The following CACNA1F variants were observed in gnomAD, a reference collection of about 807,000 sequenced individuals.
CACNA1F encodes the protein voltage-dependent L-type calcium channel subunit alpha-1F.
Under a neutral mutation model 143.8 loss-of-function variants are expected in CACNA1F, and 59 were observed. The observed-to-expected ratio is 0.41, with a 90% CI of 0.33 to 0.51. The LOEUF is 0.51. CACNA1F is among the 20% of genes least tolerant of loss of function. The pLI is 0.22. For missense variants in CACNA1F, 1,411 were observed against 1,647.5 expected (o/e 0.86, Z 2.48); for synonymous variants, 643 against 649.1 (o/e 0.99, Z 0.14).
intron 1 of CACNA1F, 104 bp from the exon 2 acceptor site, chrX:49,232,031 G>A: frequency 1.2e-6 from 1 of 824,781 alleles, no homozygotes; most frequent in Non-Finnish European, 1.7e-6. Flanking sequence ...AGAAGAGCAT[G>A]GAAAATTAGG....
chrX:49,209,324 C>T lies in CACNA1F; in HGVS notation c.4891G>A (p.Glu1631Lys), dbSNP rs781811042. The change falls in exon 42 of 48, where the codon GAG (glutamate) becomes AAG (lysine). Residue 1631 changes from glutamate to lysine, a missense_variant. Physicochemically the swap from Glu to Lys is moderately conservative, Grantham distance 56. This residue lies in a region of CACNA1F where 349 missense variants were observed against 350.2 expected (regional missense o/e 1.00). Coordinates refer to ENST00000323022, the MANE Select transcript of CACNA1F (RefSeq NM_001256789.3). ...ACTCCCTCCTGCCCCTCTTCTTCCT[C>T]CTCCTCTGTGTCACAGGTGAGGGCC... ...RQALTCDTEE[E>K]EEEGQEGVEE... 1 of 1,206,697 alleles carries T rather than the reference C, an allele frequency of 8.3e-7. No individual in the cohort carries two copies. The highest frequency in any genetic ancestry group is 3.0e-5 in the East Asian group (1 of 33,804).
rs374672689 is a variant in CACNA1F, at chrX:49,231,435, C to G, written c.276-128G>C. 4 of 610,821 alleles carry G rather than the reference C, an allele frequency of 6.5e-6. No homozygotes were observed. In the African/African-American group the frequency reaches 6.7e-5, roughly 10 times the overall value. 50.3% of individuals were successfully genotyped at this position (610,821 alleles called of 1,213,427 possible). A position where few individuals can be genotyped will look rare whatever the true frequency, so the allele number is the denominator to read the frequency against. On this transcript the variant is annotated intron_variant, in intron 2 of 47. Coordinates refer to ENST00000323022, the MANE Select transcript of CACNA1F (RefSeq NM_001256789.3). ...AGGTCCTGGCATTCTCGACCCCTGCCCTGACAAGGCCTTGACTTTGTCCCT... is the reference window on the plus strand; with the variant it reads ...AGGTCCTGGCATTCTCGACCCCTGCGCTGACAAGGCCTTGACTTTGTCCCT...
chrX:49,217,666 A>G (rs782337515), intron 26 of CACNA1F, 89 bp downstream of exon 26: 1 of 818,990 alleles, frequency 1.2e-6, no homozygotes, highest in African/African-American at 2.0e-5. Flanking sequence ...TTCTGGGACT[A>G]TATCTTTGGG....
In CACNA1F at chrX:49,216,472, C is replaced by A. The variant is rs5906755; in HGVS notation, c.3146G>T (p.Arg1049Leu). 37 of 1,206,676 alleles carry A rather than the reference C, an allele frequency of 3.1e-5. No homozygotes were observed. The highest frequency in any genetic ancestry group is 3.9e-5 in the Non-Finnish European group (35 of 892,370). ...GDVSRPLVRE[R>L]LWVNSDFNFD... ...GTTGAAATCACTGTTGACCCAGAGC[C>A]GCTCCCGGACCAGGGGCCGTGACAC... The change falls in exon 27 of 48, where the codon CGG becomes CTG. Residue 1049 changes from arginine to leucine, a missense_variant. This residue lies in a region of CACNA1F where 950 missense variants were observed against 1,128.1 expected (regional missense o/e 0.84). Transcript: ENST00000323022.
rs782634881 is a variant in CACNA1F, at chrX:49,223,141, A to C, written c.1878-5T>G. ...TTGCTCAGAGAAGCCCAGTGTCTGC[A>C]GCAGAAATGGGAGGGGGCAGGGTCG... On this transcript the variant is annotated splice_polypyrimidine_tract_variant and splice_region_variant and intron_variant, in intron 14 of 47. Transcript: ENST00000323022. 1 of 1,159,588 alleles carries C rather than the reference A, an allele frequency of 8.6e-7. No homozygotes were observed. The highest frequency in any genetic ancestry group is 1.2e-6 in the Non-Finnish European group (1 of 854,127).
At position 49,205,702 on chromosome X, in the gene CACNA1F, G is replaced by C. The variant is rs781892194; in HGVS notation, c.5584C>G (p.Arg1862Gly). The C allele has an allele frequency of 8.3e-7, 1 of 1,204,646 alleles. No individual in the cohort carries two copies. Among genetic ancestry groups the C allele is most frequent in the Non-Finnish European group, 1.1e-6 (1 of 891,744 alleles). The change falls in exon 47 of 48, where the codon CGC becomes GGC. Residue 1862 changes from arginine (R) to glycine (G), a missense_variant. Physicochemically the swap from Arg to Gly is moderately radical, Grantham distance 125. Coordinates refer to ENST00000323022, the MANE Select transcript of CACNA1F (RefSeq NM_001256789.3). ...GGCACGTGCAGACAGGTGAAGGTGCGCAGTGGGCCACTGGATCTGCCGAGG... is the reference window on the plus strand; with the variant it reads ...GGCACGTGCAGACAGGTGAAGGTGCCCAGTGGGCCACTGGATCTGCCGAGG... Reference protein sequence around the residue: ...GYLGRSSGPLRTFTCLHVPGT... With the variant: ...GYLGRSSGPLGTFTCLHVPGT...
chrX:49,211,556 C>G, intron 35 of CACNA1F, 75 bp from the exon 36 acceptor site: 1 of 919,974 alleles, frequency 1.1e-6, no homozygotes, highest in Non-Finnish European at 1.6e-6. Context: ...TGGGGGAGGA[C>G]TGGGGAATGA....
At position 49,205,731 on chromosome X, in the gene CACNA1F, C is replaced by A; in HGVS notation, c.5555G>T (p.Gly1852Val). The change falls in exon 47 of 48, where the codon GGG (glycine) becomes GTG (valine). Residue 1852 changes from glycine (G) to valine (V), a missense_variant. By Grantham distance (109) the Gly-to-Val change is moderately radical. Around this residue, in one of 3 missense-constraint regions of CACNA1F, gnomAD observed 349 missense variants for 350.2 expected, o/e 1.00. Coordinates refer to ENST00000323022, the MANE Select transcript of CACNA1F (RefSeq NM_001256789.3). The stretch of plus-strand genomic sequence containing the variant: ...TGGGCCACTGGATCTGCCGAGGTAC[C>A]CCTCCCCCGCTGCGCCCTCTTCCAC... ...LLVEEGAAGEGYLGRSSGPLR... is the reference protein window; with the variant it reads ...LLVEEGAAGEVYLGRSSGPLR... 8.3e-7 allele frequency: 1 copy of A among 1,204,032 alleles called. No homozygotes were observed. Among genetic ancestry groups the A allele is most frequent in the East Asian group, 3.0e-5 (1 of 33,423 alleles).
At chrX:49,213,723 G>A (rs1168300704) in intron 31 of CACNA1F, 96 bp downstream of exon 31, 22 of 601,498 alleles carry the variant, frequency 3.7e-5, no homozygotes, top group African/African-American at 2.0e-4. Flanking sequence ...GAGGATGTGC[G>A]TGGGAGCCAC....
rs181191941 is a variant in CACNA1F, at chrX:49,225,542, C to G, written c.1651+367G>C. On this transcript the variant is annotated intron_variant, in intron 13 of 47. Coordinates refer to ENST00000323022, the MANE Select transcript of CACNA1F (RefSeq NM_001256789.3). ...GATGATAAGAGCCTGGATTCTGGAG[C>G]CAGGCTGCCTGGGTTCTAATTCTGG... Among the ~76,000 whole-genome samples the G allele has an allele frequency of 1.7e-3, 188 of 111,284 alleles. 1 individual carries two copies. Among genetic ancestry groups the G allele is most frequent in the African/African-American group, 5.7e-3 (175 of 30,622 alleles).
At chrX:49,214,041 A>G (rs1557106845) in intron 30 of CACNA1F, 118 bp downstream of exon 30, 1 of 630,681 alleles carries the variant, frequency 1.6e-6, no homozygotes, top group African/African-American at 2.2e-5. Flanking sequence ...AGTCCCTCTC[A>G]CTCCCTAGAC....
chrX:49,214,283 T>A lies in CACNA1F; in HGVS notation c.3598-14A>T. On this transcript the variant is annotated splice_polypyrimidine_tract_variant and intron_variant, in intron 29 of 47. Transcript: ENST00000323022. Reference sequence around the variant, plus strand: ...CTGCTCATAGTGCTGCAGGAGAAAATCAGGTTGAGATGGAGCCTGAGGCAG... The same window carrying A: ...CTGCTCATAGTGCTGCAGGAGAAAAACAGGTTGAGATGGAGCCTGAGGCAG... 9.6e-7 allele frequency: 1 copy of A among 1,043,132 alleles called. No individual in the cohort carries two copies. The highest frequency in any genetic ancestry group is 1.3e-6 in the Non-Finnish European group (1 of 741,764). 86.0% of individuals were successfully genotyped at this position (1,043,132 alleles called of 1,213,427 possible).
In CACNA1F at chrX:49,228,119, A is replaced by T. The variant is rs782310842; in HGVS notation, c.1035T>A (p.Tyr345Ter). 1 of 1,208,223 alleles carries T rather than the reference A, an allele frequency of 8.3e-7. No individual in the cohort carries two copies. Among genetic ancestry groups the T allele is most frequent in the Non-Finnish European group, 1.1e-6 (1 of 892,218 alleles). Residue 345 changes from tyrosine (Y) to a stop codon, truncating the protein, a stop_gained, in exon 8 of 48, where the codon TAT becomes TAA. Transcript: ENST00000323022. LOFTEE classifies it high-confidence loss of function. ...VLYWMQDAMG[Y>*]ELPWVYFVSL... ...TCACAAAGTACACCCAGGGCAGTTCATACCCCATGGCATCTTGCATCTGGG... is the reference window on the plus strand; with the variant it reads ...TCACAAAGTACACCCAGGGCAGTTCTTACCCCATGGCATCTTGCATCTGGG...
In CACNA1F at chrX:49,233,276, T is replaced by C. The variant is rs782719571; in HGVS notation, c.25+9A>G. On this transcript the variant is annotated intron_variant, in intron 1 of 47. Coordinates refer to ENST00000323022, the MANE Select transcript of CACNA1F (RefSeq NM_001256789.3). ...CCAAGGGTCTGCAGGGATGGAAGGA[T>C]TCTCTCACCTTTCCCGCCTTCAGAT... 14 of 1,207,113 alleles carry C rather than the reference T, an allele frequency of 1.2e-5. No individual in the cohort carries two copies. In the East Asian group the frequency reaches 4.2e-4, roughly 36 times the overall value.
At chrX:49,221,495 G>A (rs782620747) in intron 17 of CACNA1F, among the ~76,000 whole-genome samples, 144 of 110,335 alleles carry the variant, frequency 1.3e-3, no homozygotes, top group Middle Eastern at 4.7e-3. Context: ...TGCAACCTCC[G>A]CCTCCTGGGT....
At chrX:49,215,669 C>A in intron 27 of CACNA1F, 126 bp from the exon 28 acceptor site, 1 of 473,322 alleles carries the variant, frequency 2.1e-6, no homozygotes, top group South Asian at 3.2e-5. Flanking sequence ...CCAAAGACCC[C>A]TAAATCTCCT....
rs1437305452 is a variant in CACNA1F at position 49,205,707 on chromosome X, G to C, written c.5579C>G (p.Pro1860Arg). ...GTGCAGACAGGTGAAGGTGCGCAGT[G>C]GGCCACTGGATCTGCCGAGGTACCC... ...GEGYLGRSSG[P>R]LRTFTCLHVP... The change falls in exon 47 of 48, where the codon CCA becomes CGA. Residue 1860 changes from proline (P) to arginine (R), a missense_variant. Pro to Arg is a moderately radical substitution (Grantham distance 103). Coordinates refer to ENST00000323022, the MANE Select transcript of CACNA1F (RefSeq NM_001256789.3). The C allele has an allele frequency of 2.5e-6, 3 of 1,203,270 alleles. No individual in the cohort carries two copies. In the African/African-American group the frequency reaches 5.3e-5, roughly 21 times the overall value.
At chrX:49,218,606 T>A (rs1557108037) in intron 23 of CACNA1F, 23 bp downstream of exon 23, 2 of 1,180,891 alleles carry the variant, frequency 1.7e-6, no homozygotes, top group Admixed American at 4.6e-5. Flanking sequence ...AGGAATGGGG[T>A]GGGCTGGGGA....
intron 20 of CACNA1F, 59 bp downstream of exon 20, chrX:49,219,565 CTGCTCCTCCA>C (rs1265803903): frequency 1.7e-5 from 20 of 1,172,959 alleles, no homozygotes; most frequent in Non-Finnish European, 2.2e-5. Flanking sequence ...CCCACCTTGG[CTGCTCCTCCA>C]TGCTCCTCCA....
Sources: gnomAD v4.1 joint callset for allele counts (sites outside exome capture counted in the v4.1 genomes callset) on GRCh38, gnomAD v4.1.1 for gene constraint, gnomAD v4.1.1 regional missense constraint, MANE v1.5 for transcripts, NCBI Gene and HGNC (gene_info 2026-07-23, HGNC 2026-07-21) for gene names.